GJC1: variants seen among roughly 807,000 people sequenced by gnomAD.
GJC1 encodes the protein gap junction protein gamma 1.
A neutral mutation model predicts 29.3 loss-of-function variants in GJC1; 5 were observed. The observed-to-expected ratio is 0.17, with a 90% confidence interval of 0.09 to 0.36. The LOEUF (loss-of-function observed/expected upper bound fraction) is 0.36. Among genes scored for constraint, GJC1 ranks in the 10% least tolerant of loss-of-function variants. The pLI is 1.00. For synonymous variants in GJC1, 177 were observed against 183.3 expected (o/e 0.97, Z 0.28); for missense variants, 310 against 496.2 (o/e 0.62, Z 3.56).
intron 1 of GJC1, among the ~76,000 whole-genome samples, chr17:44,815,841 C>T (rs998865307): frequency 9.2e-5 from 14 of 151,938 alleles, no homozygotes; most frequent in Admixed American, 4.6e-4. Context: ...ACTTGGGGCG[C>T]GGTGGCTCAC....
At position 44,805,911 on chromosome 17, in the gene GJC1, C is replaced by A; in HGVS notation, c.-20-74G>T. 1 of 695,976 alleles carries A rather than the reference C, an allele frequency of 1.4e-6. No homozygotes were observed. The allele number at this position is 695,976 out of a possible 1,614,324, so 43.1% of individuals were successfully genotyped here. On this transcript the variant is annotated intron_variant, in intron 2 of 2. Coordinates refer to ENST00000592524, the MANE Select transcript of GJC1 (RefSeq NM_005497.4). The surrounding 1 kb of genome is among the most constrained non-coding windows in gnomAD (Gnocchi z 5.1). ...TTAATTTAATTACTAATTATGATAT[C>A]TCTAGGAACTACTGCTTTGAATACT... is the stretch of plus-strand genomic sequence containing the variant.
In GJC1 at chr17:44,804,587, C is replaced by T. The variant is rs780991268; in HGVS notation, c.*40G>A. On this transcript the variant is annotated 3_prime_UTR_variant, in exon 3 of 3. Coordinates refer to ENST00000592524, the MANE Select transcript of GJC1 (RefSeq NM_005497.4). ...TCATTATTCAGTGAGCTGCTGCTTA[C>T]CATAAACTATGAAAAGCACAGGTTT... 7 of 1,429,744 alleles carry T rather than the reference C, an allele frequency of 4.9e-6. No individual in the cohort carries two copies. In the South Asian group the frequency reaches 7.5e-5, roughly 15 times the overall value. The allele number at this position is 1,429,744 out of a possible 1,614,324, so 88.6% of individuals were successfully genotyped here.
intron 1 of GJC1, among the ~76,000 whole-genome samples, chr17:44,822,058 AT>A (rs2050114596): frequency 6.6e-6 from 1 of 150,676 alleles, no homozygotes; most frequent in African/African-American, 2.4e-5. Flanking sequence ...TTAGCCGGGC[AT>A]GGTGGCGGGC....
chr17:44,805,764 T>C lies in GJC1; in HGVS notation c.54A>G (p.Thr18=). The C allele has an allele frequency of 3.7e-6, 6 of 1,614,026 alleles. No individual in the cohort carries two copies. Among genetic ancestry groups the C allele is most frequent in the Non-Finnish European group, 5.1e-6 (6 of 1,179,928 alleles). ...CAGTGAGCCAGATCTTCCCCACAAATGTGGAATGGTTGTGAATCTCCTCTA... is the reference window on the plus strand; with the variant it reads ...CAGTGAGCCAGATCTTCCCCACAAACGTGGAATGGTTGTGAATCTCCTCTA... The part of the protein sequence containing the change: ...RLLEEIHNHS[T]FVGKIWLTVL... Residue 18 remains threonine (T), a synonymous_variant, in exon 3 of 3, where the codon ACA becomes ACG. Transcript: ENST00000592524. The surrounding 1 kb of genome is among the most constrained non-coding windows in gnomAD (Gnocchi z 5.1).
chr17:44,797,082 ATCTC>A (rs533983170), downstream of GJC1, among the ~76,000 whole-genome samples: 49 of 151,546 alleles, frequency 3.2e-4, no homozygotes, highest in Middle Eastern at 6.8e-3. Context: ...ATATATCGCT[ATCTC>A]TCTCTGTTAT....
chr17:44,819,563 CAGG>C (rs2050083584), intron 1 of GJC1, among the ~76,000 whole-genome samples: 1 of 151,824 alleles, frequency 6.6e-6, no homozygotes, highest in Non-Finnish European at 1.5e-5. Flanking sequence ...GAGGCTGAGG[CAGG>C]AGAACAGCGT....
At chr17:44,830,542 G>C (rs1263399521), upstream of GJC1, 4 of 397,784 alleles carry the variant, frequency 1.0e-5, no homozygotes, top group African/African-American at 4.1e-5. The surrounding 1 kb of genome is among the most constrained non-coding windows in gnomAD (Gnocchi z 4.3). Flanking sequence ...GCTCCGGACA[G>C]TTCATTCTTC....
intron 1 of GJC1, among the ~76,000 whole-genome samples, chr17:44,814,711 G>C (rs146458111): frequency 0.027 from 4,052 of 152,180 alleles, 70 homozygotes; most frequent in Middle Eastern, 0.051. Context: ...GGGAGGCCAA[G>C]GCAGGTGGAT....
rs186013431 is a variant in GJC1 at position 44,801,233 on chromosome 17, G to A, written c.*3394C>T. ...CAGGAGGCGGAGGTTGCAGTGAGCC[G>A]AAATCACACCACTGCACTCCAGCCT... On this transcript the variant is annotated 3_prime_UTR_variant, in exon 3 of 3. Transcript: ENST00000592524. 7 of 152,242 alleles carry A rather than the reference G, an allele frequency of 4.6e-5. No individual in the cohort carries two copies. Among genetic ancestry groups the A allele is most frequent in the South Asian group, 2.1e-4 (1 of 4,824 alleles). The allele number at this position is 152,242 out of a possible 1,614,324, so 9.4% of individuals were successfully genotyped here. A position where few individuals can be genotyped will look rare whatever the true frequency, so the allele number is the denominator to read the frequency against.
In GJC1 at chr17:44,801,078, A is replaced by G. The variant is rs1451124283; in HGVS notation, c.*3549T>C. The G allele has an allele frequency of 3.3e-5, 5 of 152,056 alleles. No homozygotes were observed. In the East Asian group the frequency reaches 9.6e-4, roughly 29 times the overall value. The allele number at this position is 152,056 out of a possible 1,614,324, so 9.4% of individuals were successfully genotyped here. A position where few individuals can be genotyped will look rare whatever the true frequency, so the allele number is the denominator to read the frequency against. On this transcript the variant is annotated 3_prime_UTR_variant, in exon 3 of 3. Coordinates refer to ENST00000592524, the MANE Select transcript of GJC1 (RefSeq NM_005497.4). ...ATCACGAGGTGAGGAGTTCGAGACC[A>G]GCCTGCCAGCCTGGCCAACATGATG... is the stretch of plus-strand genomic sequence containing the variant.
intron 1 of GJC1, among the ~76,000 whole-genome samples, chr17:44,818,812 G>A (rs1157666418): frequency 6.6e-6 from 1 of 150,582 alleles, no homozygotes; most frequent in Non-Finnish European, 1.5e-5. Context: ...GGGGGTGTGG[G>A]GCGGGAAGAA....
At chr17:44,828,836 A>AC (rs1438301135) in intron 1 of GJC1, among the ~76,000 whole-genome samples, 1 of 152,004 alleles carries the variant, frequency 6.6e-6, no homozygotes, top group African/African-American at 2.4e-5. Flanking sequence ...TAATACCTAA[A>AC]CCCTCTCTAG....
intron 1 of GJC1, among the ~76,000 whole-genome samples, chr17:44,823,933 G>C (rs764243659): frequency 4.0e-5 from 6 of 151,670 alleles, no homozygotes; most frequent in Non-Finnish European, 7.4e-5. Flanking sequence ...GGATGGTCTC[G>C]ATCTCCTGAT....
At chr17:44,796,072 G>A (rs1009899984), downstream of GJC1, among the ~76,000 whole-genome samples, 2 of 152,142 alleles carry the variant, frequency 1.3e-5, no homozygotes, top group African/African-American at 4.8e-5. Flanking sequence ...GCCTGCCAGC[G>A]CACCGGTGCC....
Position 44,802,880 on chromosome 17 carries a change from G to A in GJC1, c.*1747C>T, listed in dbSNP as rs1178066939. 2 of 152,126 alleles carry A rather than the reference G, an allele frequency of 1.3e-5. No individual in the cohort carries two copies. Among genetic ancestry groups the A allele is most frequent in the Non-Finnish European group, 1.5e-5 (1 of 68,064 alleles). The allele number at this position is 152,126 out of a possible 1,614,324, so 9.4% of individuals were successfully genotyped here. ...TAGCCGAGTATGGTGGCACATGCCT[G>A]TAGTCCCAGCTAATCAAGAGGCTGA... On this transcript the variant is annotated 3_prime_UTR_variant, in exon 3 of 3. Transcript: ENST00000592524.
Position 44,804,473 on chromosome 17 carries a change from CAGCCCCGCCTCCAGAGTCCCCTGAGCT to C in GJC1, c.*127_*153del. ...GTGTTTCCCTTTCTCTCCCTCAGCC[CAGCCCCGCCTCCAGAGTCCCCTGAGCT>C]TGGATCATGAGCCAACAGCATCCCT... On this transcript the variant is annotated 3_prime_UTR_variant, in exon 3 of 3. Coordinates refer to ENST00000592524, the MANE Select transcript of GJC1 (RefSeq NM_005497.4). 1 of 624,918 alleles carries C rather than the reference CAGCCCCGCCTCCAGAGTCCCCTGAGCT, an allele frequency of 1.6e-6. No homozygotes were observed. The highest frequency in any genetic ancestry group is 2.1e-5 in the South Asian group (1 of 48,050). 38.7% of individuals were successfully genotyped at this position (624,918 alleles called of 1,614,324 possible). A position where few individuals can be genotyped will look rare whatever the true frequency, so the allele number is the denominator to read the frequency against.
downstream of GJC1, among the ~76,000 whole-genome samples, chr17:44,795,780 C>T (rs181938980): frequency 4.9e-3 from 745 of 152,304 alleles, 7 homozygotes; most frequent in Non-Finnish European, 7.0e-3. Context: ...TTAGTTTAGC[C>T]GTCTATAGGC....
At chr17:44,820,422 T>C (rs2050094463) in intron 1 of GJC1, among the ~76,000 whole-genome samples, 1 of 152,228 alleles carries the variant, frequency 6.6e-6, no homozygotes, top group Non-Finnish European at 1.5e-5. Context: ...AGATGATTTC[T>C]AAAATCTCTT....
intron 1 of GJC1, among the ~76,000 whole-genome samples, chr17:44,809,268 T>C (rs1412948132): frequency 6.6e-6 from 1 of 152,110 alleles, no homozygotes; most frequent in Non-Finnish European, 1.5e-5. Flanking sequence ...CACAATAAAA[T>C]TTCCAGTACA....
Sources: gnomAD v4.1 joint callset for allele counts (sites outside exome capture counted in the v4.1 genomes callset) on GRCh38, gnomAD v4.1.1 for gene constraint, Gnocchi (gnomAD v3.1) non-coding constraint, MANE v1.5 for transcripts, NCBI Gene and HGNC (gene_info 2026-07-23, HGNC 2026-07-21) for gene names.